The following ATG10 variants were observed in gnomAD, a reference collection of about 807,000 sequenced individuals.
The protein encoded by ATG10 is autophagy related 10.
A neutral mutation model predicts 32.1 loss-of-function variants in ATG10; 30 were observed. The observed-to-expected ratio is 0.94, with a 90% CI of 0.70 to 1.27. The LOEUF is 1.27. ATG10 is among the 50% of genes most tolerant of loss of function. The probability of loss-of-function intolerance (pLI) is 0.00; values close to 1 mark genes in which losing one functional copy is unlikely to be tolerated. For missense variants in ATG10, 233 were observed against 262.3 expected, an observed-to-expected ratio of 0.89 and a Z score of 0.77; for synonymous variants, 87 against 91.5, an observed-to-expected ratio of 0.95 and a Z score of 0.28.
intron 1 of ATG10, among the ~76,000 whole-genome samples, chr5:81,984,705 G>C (rs188057886): frequency 6.6e-6 from 1 of 152,258 alleles, no homozygotes; most frequent in Non-Finnish European, 1.5e-5. Context: ...CTGAGATTCA[G>C]ATTTCTGCCT....
chr5:82,207,062 T>C (rs1396938426), intron 5 of ATG10, among the ~76,000 whole-genome samples: 1 of 152,204 alleles, frequency 6.6e-6, no homozygotes, highest in Non-Finnish European at 1.5e-5. Flanking sequence ...TTTGTCTTTC[T>C]ACTATTAATG....
At chr5:82,227,117 G>T (rs927078147) in intron 5 of ATG10, among the ~76,000 whole-genome samples, 1 of 152,030 alleles carries the variant, frequency 6.6e-6, no homozygotes, top group Non-Finnish European at 1.5e-5. Context: ...TTAATTTTCA[G>T]ATCTTCTATT....
chr5:82,200,951 G>A (rs903906583), intron 5 of ATG10, among the ~76,000 whole-genome samples: 7 of 151,210 alleles, frequency 4.6e-5, no homozygotes, highest in South Asian at 4.2e-4. Flanking sequence ...GTGCAGTGGC[G>A]TGATCTCACT....
chr5:82,032,076 G>A (rs1762756547), intron 2 of ATG10, among the ~76,000 whole-genome samples: 1 of 152,208 alleles, frequency 6.6e-6, no homozygotes, highest in Non-Finnish European at 1.5e-5. Flanking sequence ...TTAATTCTAT[G>A]TTGCTTCAGA....
intron 5 of ATG10, among the ~76,000 whole-genome samples, chr5:82,225,649 T>C (rs1326078410): frequency 6.6e-6 from 1 of 152,138 alleles, no homozygotes; most frequent in East Asian, 1.9e-4. Flanking sequence ...CCTTAACCGA[T>C]GCCAAAGCCC....
chr5:82,062,918 C>T (rs1023971561), intron 3 of ATG10, among the ~76,000 whole-genome samples: 1 of 152,148 alleles, frequency 6.6e-6, no homozygotes, highest in African/African-American at 2.4e-5. Context: ...ATGTATTTTC[C>T]TCTTAAGTTC....
In ATG10 at chr5:82,058,531, C is replaced by G. The variant is rs1254675588; in HGVS notation, c.145C>G (p.Gln49Glu). 1 of 1,613,130 alleles carries G rather than the reference C, an allele frequency of 6.2e-7. No individual in the cohort carries two copies. The highest frequency in any genetic ancestry group is 8.5e-7 in the Non-Finnish European group (1 of 1,179,454). ...TGGCTACATGTGCAAAATACACTTT[C>G]AAATTAAGAATGGGTCTGTGATGTC... Reference protein sequence around the residue: ...SDGYMCKIHFQIKNGSVMSHL... With the variant: ...SDGYMCKIHFEIKNGSVMSHL... Residue 49 changes from glutamine to glutamate, a missense_variant, in exon 3 of 8, where the codon CAA becomes GAA. Transcript: ENST00000282185.
chr5:81,993,351 C>CTT (rs1247803895), intron 2 of ATG10, among the ~76,000 whole-genome samples: 2 of 21,754 alleles, frequency 9.2e-5, no homozygotes, highest in African/African-American at 1.7e-4. Context: ...TTCTTTCTTT[C>CTT]TTTCTTTCCT....
intron 2 of ATG10, among the ~76,000 whole-genome samples, chr5:82,029,112 A>G (rs1762674605): frequency 6.6e-6 from 1 of 152,202 alleles, no homozygotes; most frequent in Non-Finnish European, 1.5e-5. Context: ...TGTCCATGAA[A>G]ATAAAGGAAG....
chr5:82,252,592 G>A lies in ATG10; in HGVS notation c.484G>A (p.Val162Ile), dbSNP rs374339420. Residue 162 changes from valine (V) to isoleucine (I), a missense_variant, in exon 6 of 8, where the codon GTA becomes ATA. Physicochemically the swap from Val to Ile is conservative, Grantham distance 29. Coordinates refer to ENST00000282185, the MANE Select transcript of ATG10 (RefSeq NM_031482.5). ...TCCAATACTTGGGCAACCCTTTTTT[G>A]TACTTCATCCCTGCAAGACGAATGA... The part of the protein sequence containing the change: ...EHPILGQPFF[V>I]LHPCKTNEFM... 1.9e-6 allele frequency: 3 copies of A among 1,608,018 alleles called. No homozygotes were observed. The highest frequency in any genetic ancestry group is 2.5e-6 in the Non-Finnish European group (3 of 1,177,142).
At chr5:82,101,311 TCA>T (rs1390669113) in intron 3 of ATG10, among the ~76,000 whole-genome samples, 1 of 152,134 alleles carries the variant, frequency 6.6e-6, no homozygotes, top group East Asian at 1.9e-4. Context: ...ACTCTTGCAA[TCA>T]CATCCTTTTT....
chr5:82,220,301 C>T (rs570681449), intron 5 of ATG10, among the ~76,000 whole-genome samples: 54 of 151,956 alleles, frequency 3.6e-4, no homozygotes, highest in African/African-American at 1.1e-3. Flanking sequence ...CTCGCTCTGT[C>T]ACCCAGGCTG....
At chr5:82,187,331 G>A (rs951474101) in intron 5 of ATG10, among the ~76,000 whole-genome samples, 2 of 151,460 alleles carry the variant, frequency 1.3e-5, no homozygotes, top group Non-Finnish European at 2.9e-5. Context: ...GCTAACATGG[G>A]GAAACCCTGT....
chr5:82,232,226 T>C (rs1167189561), intron 5 of ATG10, among the ~76,000 whole-genome samples: 5 of 152,330 alleles, frequency 3.3e-5, no homozygotes, highest in African/African-American at 1.2e-4. Flanking sequence ...ATTGTCACCA[T>C]TCTGTAATGT....
intron 2 of ATG10, among the ~76,000 whole-genome samples, chr5:82,037,749 A>C (rs1353217134): frequency 3.3e-5 from 5 of 152,148 alleles, no homozygotes; most frequent in Admixed American, 3.3e-4. Flanking sequence ...AATTCTATTC[A>C]AAGTTTTAAC....
intron 3 of ATG10, chr5:82,073,501 C>G (rs1445268974): frequency 2.6e-5 from 4 of 152,130 alleles, no homozygotes; most frequent in African/African-American, 9.7e-5. Flanking sequence ...TTTTACATCC[C>G]TGCTTTCCCT....
At chr5:82,173,799 A>C (rs530863331) in intron 4 of ATG10, among the ~76,000 whole-genome samples, 1 of 152,334 alleles carries the variant, frequency 6.6e-6, no homozygotes, top group African/African-American at 2.4e-5. Flanking sequence ...GATGTAAAAA[A>C]ATAGACTCTC....
At chr5:82,008,847 T>A (rs1481728973) in intron 2 of ATG10, among the ~76,000 whole-genome samples, 1 of 152,236 alleles carries the variant, frequency 6.6e-6, no homozygotes, top group East Asian at 1.9e-4. Context: ...ACTAGACATA[T>A]ATATTTTATT....
intron 5 of ATG10, among the ~76,000 whole-genome samples, chr5:82,180,490 G>A (rs992014944): frequency 2.6e-5 from 4 of 152,080 alleles, no homozygotes; most frequent in Admixed American, 2.6e-4. Context: ...TAAAGATTTG[G>A]CAAGAACATT....
Sources: gnomAD v4.1 joint callset for allele counts (sites outside exome capture counted in the v4.1 genomes callset) on GRCh38, gnomAD v4.1.1 for gene constraint, MANE v1.5 for transcripts, NCBI Gene and HGNC (gene_info 2026-07-23, HGNC 2026-07-21) for gene names.